TPP2: variants seen among roughly 807,000 people sequenced by gnomAD.
The protein encoded by TPP2 is tripeptidyl-peptidase 2.
Under a neutral mutation model 155.9 loss-of-function variants are expected in TPP2, and 34 were observed. The observed-to-expected ratio is 0.22, with a 90% CI of 0.17 to 0.29. The LOEUF is 0.29. TPP2 is among the 10% of genes least tolerant of loss of function. The pLI is 1.00. For missense variants in TPP2, 1,028 were observed against 1,522.3 expected, an observed-to-expected ratio of 0.68 and a Z score of 5.40; for synonymous variants, 510 against 529.4, an observed-to-expected ratio of 0.96 and a Z score of 0.50.
intron 2 of TPP2, among the ~76,000 whole-genome samples, chr13:102,605,205 A>G (rs913143614): frequency 1.3e-5 from 2 of 152,130 alleles, no homozygotes; most frequent in Admixed American, 1.3e-4. Flanking sequence ...AAGAAGGGGA[A>G]GTTTGTTTCC....
At position 102,644,931 on chromosome 13, in the gene TPP2, G is replaced by A. The variant is rs989727990; in HGVS notation, c.2315G>A (p.Arg772His). Residue 772 changes from arginine (R) to histidine (H), a missense_variant, in exon 19 of 30, where the codon CGC (arginine) becomes CAC (histidine). Transcript: ENST00000376052. ...LNIHASEGIN[R>H]FDVQSSLKYE... is the part of the protein sequence containing the mutation. Reference sequence around the variant, plus strand: ...TAGCATGCATCGGAAGGAATCAACCGCTTTGATGTTCAGTCCTCCTTGAAA... The same window carrying A: ...TAGCATGCATCGGAAGGAATCAACCACTTTGATGTTCAGTCCTCCTTGAAA... The A allele has an allele frequency of 6.2e-7, 1 of 1,613,904 alleles. No individual in the cohort carries two copies. Among genetic ancestry groups the A allele is most frequent in the Non-Finnish European group, 8.5e-7 (1 of 1,179,918 alleles).
At chr13:102,666,729 T>C (rs1884619370) in intron 27 of TPP2, among the ~76,000 whole-genome samples, 1 of 138,976 alleles carries the variant, frequency 7.2e-6, no homozygotes, top group South Asian at 2.2e-4. Context: ...GATATTAGTT[T>C]TGTTTTCTTA....
intron 21 of TPP2, 70 bp downstream of exon 21, chr13:102,647,414 T>A (rs1371069079): frequency 9.0e-6 from 14 of 1,550,044 alleles, no homozygotes; most frequent in Non-Finnish European, 1.2e-5. Context: ...CCTGGTTTCT[T>A]GTTATGGTAA....
chr13:102,617,486 G>A (rs143273613), intron 4 of TPP2, among the ~76,000 whole-genome samples: 5 of 152,314 alleles, frequency 3.3e-5, no homozygotes, highest in Admixed American at 1.3e-4. Context: ...ATCGATGTTT[G>A]TGATAGCCTT....
chr13:102,634,357 G>A (rs55697369), intron 11 of TPP2, among the ~76,000 whole-genome samples: 22,744 of 152,142 alleles, frequency 0.15, 2,044 homozygotes, highest in African/African-American at 0.25. Context: ...ATCAAAAATA[G>A]CTGCCTATGT....
At chr13:102,624,913 C>T (rs1267678437) in intron 6 of TPP2, among the ~76,000 whole-genome samples, 7 of 121,932 alleles carry the variant, frequency 5.7e-5, no homozygotes, top group African/African-American at 1.6e-4. Flanking sequence ...GGCTGGAGTA[C>T]AGGTGGCACG....
intron 10 of TPP2, among the ~76,000 whole-genome samples, chr13:102,632,417 T>A (rs8000920): frequency 0.31 from 46,756 of 151,496 alleles, 7,528 homozygotes; most frequent in Non-Finnish European, 0.37. Flanking sequence ...AATTTTTGTA[T>A]TTTTAGTAGA....
In TPP2 at chr13:102,597,013, G is replaced by T. The variant is rs770746372; in HGVS notation, c.-26G>T. On this transcript the variant is annotated 5_prime_UTR_variant, in exon 1 of 30. Transcript: ENST00000376052. Reference sequence around the variant, plus strand: ...TCCGCGCGCAGCCTGGCAGTTTGCCGCTTCCTCGTCCTCCATCCTGCGTCC... The same window carrying T: ...TCCGCGCGCAGCCTGGCAGTTTGCCTCTTCCTCGTCCTCCATCCTGCGTCC... 14 of 1,606,124 alleles carry T rather than the reference G, an allele frequency of 8.7e-6. No homozygotes were observed. Among genetic ancestry groups the T allele is most frequent in the Non-Finnish European group, 1.2e-5 (14 of 1,176,824 alleles).
chr13:102,649,140 A>T lies in TPP2; in HGVS notation c.2862A>T (p.Leu954Phe). 6.2e-7 allele frequency: 1 copy of T among 1,605,750 alleles called. No homozygotes were observed. The highest frequency in any genetic ancestry group is 8.5e-7 in the Non-Finnish European group (1 of 1,176,348). ...ACCAGCCATTCTTTGTTACTTCCTT[A>T]CCTGATGATAAGTAAGTGATAACAT... ...KYNQPFFVTS[L>F]PDDKIPKGAG... The change falls in exon 22 of 30, where the codon TTA becomes TTT. Residue 954 changes from leucine (L) to phenylalanine (F), a missense_variant. By Grantham distance (22) the Leu-to-Phe change is conservative. Around this residue, in one of 7 missense-constraint regions of TPP2, gnomAD observed 179 missense variants for 274.7 expected, o/e 0.65. Coordinates refer to ENST00000376052, the MANE Select transcript of TPP2 (RefSeq NM_001330588.2).
At chr13:102,634,674 C>T (rs1391561115) in intron 11 of TPP2, among the ~76,000 whole-genome samples, 1 of 152,232 alleles carries the variant, frequency 6.6e-6, no homozygotes, top group African/African-American at 2.4e-5. Flanking sequence ...CTTCTGCTCA[C>T]CACATCTCCT....
At chr13:102,656,322 C>T (rs1353204341) in intron 24 of TPP2, among the ~76,000 whole-genome samples, 1 of 152,062 alleles carries the variant, frequency 6.6e-6, no homozygotes, top group Non-Finnish European at 1.5e-5. Flanking sequence ...CTGTCAAGCC[C>T]TACTTAAGTT....
intron 24 of TPP2, among the ~76,000 whole-genome samples, chr13:102,656,643 T>A (rs957248039): frequency 6.6e-6 from 1 of 152,176 alleles, no homozygotes; most frequent in Non-Finnish European, 1.5e-5. Flanking sequence ...GTAAGTCCTG[T>A]TGGTTGAATG....
intron 2 of TPP2, among the ~76,000 whole-genome samples, chr13:102,607,231 G>T (rs748165427): frequency 1.3e-5 from 2 of 152,218 alleles, no homozygotes; most frequent in Non-Finnish European, 2.9e-5. Context: ...TATCTGAAAC[G>T]CTGGGGACCA....
chr13:102,637,207 A>G lies in TPP2; in HGVS notation c.1804A>G (p.Arg602Gly). ...ACACATAAACATACGTGTGGATCCC[A>G]GGGGCTTAAGAGAAGGATTGCATTA... ...CRHINIRVDPRGLREGLHYTE... is the reference protein window; with the variant it reads ...CRHINIRVDPGGLREGLHYTE... The change falls in exon 14 of 30, where the codon AGG (arginine) becomes GGG (glycine). Residue 602 changes from arginine (R) to glycine (G), a missense_variant. Arg to Gly is a moderately radical substitution (Grantham distance 125). This residue lies in a region of TPP2 where 325 missense variants were observed against 463.7 expected (regional missense o/e 0.70). Transcript: ENST00000376052. The G allele has an allele frequency of 6.2e-7, 1 of 1,607,608 alleles. No homozygotes were observed.
chr13:102,603,959 T>G (rs974399854), intron 1 of TPP2, among the ~76,000 whole-genome samples: 1 of 152,066 alleles, frequency 6.6e-6, no homozygotes, highest in Admixed American at 6.6e-5. Context: ...GGATTTGAGC[T>G]CTCTTCTAGA....
Position 102,657,064 on chromosome 13 carries a change from C to A in TPP2, c.3000C>A (p.Ile1000=). The A allele has an allele frequency of 6.3e-7, 1 of 1,587,946 alleles. No homozygotes were observed. Among genetic ancestry groups the A allele is most frequent in the South Asian group, 1.2e-5 (1 of 85,138 alleles). The change falls in exon 25 of 30, where the codon ATC becomes ATA. Residue 1000 remains isoleucine (I), a synonymous_variant. Coordinates refer to ENST00000376052, the MANE Select transcript of TPP2 (RefSeq NM_001330588.2). ...TCTCTCCACATTCGTAGGATGTAAT[C>A]CCTGTTCATTACTACTTAATACCTC... ...KRQGKFKKDV[I]PVHYYLIPPP...
intron 24 of TPP2, among the ~76,000 whole-genome samples, chr13:102,652,095 G>C (rs1566358727): frequency 1.3e-5 from 2 of 152,122 alleles, no homozygotes; most frequent in Non-Finnish European, 2.9e-5. Context: ...ATATTTTAGG[G>C]CCAGGCGCAG....
chr13:102,605,066 C>T, intron 2 of TPP2, 145 bp downstream of exon 2: 5 of 1,303,512 alleles, frequency 3.8e-6, no homozygotes, highest in Non-Finnish European at 5.3e-6. Context: ...TTTAAAATGA[C>T]AAATATTTAT....
intron 16 of TPP2, among the ~76,000 whole-genome samples, chr13:102,642,825 A>G (rs1351610440): frequency 2.0e-5 from 3 of 152,230 alleles, no homozygotes; most frequent in Non-Finnish European, 4.4e-5. Flanking sequence ...GATAACAAAT[A>G]GAGGTTTCCA....
Sources: allele counts gnomAD v4.1 joint callset (sites outside exome capture counted in the v4.1 genomes callset), GRCh38; gene constraint gnomAD v4.1.1; regional missense constraint gnomAD v4.1.1; transcripts MANE v1.5; gene names NCBI Gene and HGNC (gene_info 2026-07-23, HGNC 2026-07-21).